ASPH: variants seen among roughly 807,000 people sequenced by gnomAD.
ASPH encodes aspartate beta-hydroxylase, also known as aspartyl/asparaginyl beta-hydroxylase.
Under a neutral mutation model 118.4 loss-of-function variants are expected in ASPH, and 100 were observed. The observed-to-expected ratio is 0.84, with a 90% CI of 0.72 to 1.00. ASPH has a LOEUF of 1.00. Among genes scored for constraint, ASPH ranks in the 50% least tolerant of loss-of-function variants. The probability of loss-of-function intolerance (pLI) is 0.00; values close to 1 mark genes in which losing one functional copy is unlikely to be tolerated. For synonymous variants in ASPH, 315 were observed against 325.6 expected, an observed-to-expected ratio of 0.97 and a Z score of 0.35; for missense variants, 920 against 919.5, an observed-to-expected ratio of 1.00 and a Z score of -0.01.
At chr8:61,702,533 G>C (rs1280776102) in intron 1 of ASPH, among the ~76,000 whole-genome samples, 1 of 151,974 alleles carries the variant, frequency 6.6e-6, no homozygotes, top group Non-Finnish European at 1.5e-5. Context: ...TGATCCACCG[G>C]CCTTGGCCTC....
At chr8:61,705,962 ACAGAACTC>A (rs1466640493) in intron 1 of ASPH, among the ~76,000 whole-genome samples, 2 of 152,264 alleles carry the variant, frequency 1.3e-5, no homozygotes, top group African/African-American at 4.8e-5. Flanking sequence ...TGGAGTCATT[ACAGAACTC>A]TTTCAATTTG....
intron 22 of ASPH, among the ~76,000 whole-genome samples, chr8:61,524,013 T>C (rs1292170787): frequency 2.0e-5 from 3 of 152,164 alleles, no homozygotes; most frequent in Non-Finnish European, 4.4e-5. Context: ...GGCCAGGAGT[T>C]GGAGCTGTAA....
Position 61,684,088 on chromosome 8 carries a change from T to A in ASPH, c.204A>T (p.Thr68=). Residue 68 remains threonine (T), a synonymous_variant, in exon 2 of 25, where the codon ACA becomes ACT. Coordinates refer to ENST00000379454, the MANE Select transcript of ASPH (RefSeq NM_004318.4). Reference sequence around the variant, plus strand: ...GATCAAACCAAACGACAGCTACAGATGTCCAGACGCCCAGCAATGCAATCA... The same window carrying A: ...GATCAAACCAAACGACAGCTACAGAAGTCCAGACGCCCAGCAATGCAATCA... The part of the protein sequence containing the change: ...FMVIALLGVW[T]SVAVVWFDLV... 2 of 1,613,812 alleles carry A rather than the reference T, an allele frequency of 1.2e-6. No homozygotes were observed. The highest frequency in any genetic ancestry group is 1.7e-6 in the Non-Finnish European group (2 of 1,179,790).
intron 16 of ASPH, among the ~76,000 whole-genome samples, chr8:61,569,643 C>T (rs1416764919): frequency 6.6e-6 from 1 of 151,758 alleles, no homozygotes; most frequent in African/African-American, 2.4e-5. Flanking sequence ...GGATAAATTA[C>T]CCAAGATGAT....
rs772157535 is a variant in ASPH, at chr8:61,665,331, T to C, written c.323-11671A>G. 5 of 1,613,972 alleles carry C rather than the reference T, an allele frequency of 3.1e-6. 1 individual carries two copies. The South Asian group carries it at 5.5e-5, about 18-fold the overall frequency. On this transcript the variant is annotated intron_variant, in intron 3 of 24. Transcript: ENST00000379454. ...CTTCTACTTTCCTTTCTGTCATCTT[T>C]GTCTCGGGATGCCATTTTACTAGAA... is the stretch of plus-strand genomic sequence containing the variant.
intron 16 of ASPH, among the ~76,000 whole-genome samples, chr8:61,573,216 CACAA>C (rs1833988588): frequency 6.6e-6 from 1 of 152,088 alleles, no homozygotes; most frequent in Admixed American, 6.6e-5. Context: ...TCAGAGAGGA[CACAA>C]ACAAATGGAA....
intron 12 of ASPH, among the ~76,000 whole-genome samples, 170 bp downstream of exon 12, chr8:61,637,777 C>A (rs1199518498): frequency 6.6e-6 from 1 of 152,172 alleles, no homozygotes; most frequent in African/African-American, 2.4e-5. Flanking sequence ...TCTGTTTGGC[C>A]ACTGGAATGC....
intron 21 of ASPH, among the ~76,000 whole-genome samples, chr8:61,532,313 T>C (rs928824448): frequency 1.3e-5 from 2 of 152,204 alleles, no homozygotes; most frequent in Admixed American, 1.3e-4. Context: ...CATATACCTG[T>C]TGGCCATTTG....
intron 21 of ASPH, among the ~76,000 whole-genome samples, chr8:61,540,423 C>G (rs1821422649): frequency 6.6e-6 from 1 of 152,156 alleles, no homozygotes; most frequent in South Asian, 2.1e-4. Context: ...CTCTCTTGCT[C>G]CTGTTCATGC....
intron 21 of ASPH, among the ~76,000 whole-genome samples, chr8:61,532,026 C>G (rs565971515): frequency 4.6e-5 from 7 of 152,236 alleles, no homozygotes; most frequent in African/African-American, 1.7e-4. Context: ...CTTTGAGTTA[C>G]TGACTTCATT....
At chr8:61,576,569 T>A in intron 16 of ASPH, 1 of 468,258 alleles carries the variant, frequency 2.1e-6, no homozygotes. Flanking sequence ...CAGAGAGAAG[T>A]CATATGGAGG....
chr8:61,545,649 A>C (rs1330465894), intron 21 of ASPH, among the ~76,000 whole-genome samples: 2 of 152,252 alleles, frequency 1.3e-5, no homozygotes, highest in African/African-American at 4.8e-5. Flanking sequence ...AAGAGAAAAG[A>C]AAGCAAAGAA....
chr8:61,578,460 G>T, intron 15 of ASPH: 1 of 1,598,676 alleles, frequency 6.3e-7, no homozygotes, highest in South Asian at 1.1e-5. Flanking sequence ...CCTGGAGGTG[G>T]ACCCCAACAT....
chr8:61,594,047 A>G (rs1210666446), intron 14 of ASPH, among the ~76,000 whole-genome samples: 2 of 152,240 alleles, frequency 1.3e-5, no homozygotes, highest in Non-Finnish European at 2.9e-5. Context: ...AAAGTCAGAA[A>G]CCAGAAATAA....
At chr8:61,624,616 C>T in intron 13 of ASPH, 2 of 985,274 alleles carry the variant, frequency 2.0e-6, no homozygotes, top group Non-Finnish European at 2.4e-6. Flanking sequence ...ACCGATGTTG[C>T]ACAATGGCAC....
At chr8:61,680,827 T>G in intron 3 of ASPH, 141 bp downstream of exon 3, 1 of 570,574 alleles carries the variant, frequency 1.8e-6, no homozygotes, top group East Asian at 3.4e-5. Context: ...CATTTAAAAT[T>G]TTAACAGTAA....
At chr8:61,517,326 C>T (rs1811277814) in intron 24 of ASPH, 1 of 626,388 alleles carries the variant, frequency 1.6e-6, no homozygotes. Context: ...TGGAGGAGGG[C>T]AGCCCTAGAG....
At chr8:61,668,136 T>A in intron 3 of ASPH, 2 of 1,231,304 alleles carry the variant, frequency 1.6e-6, no homozygotes, top group Non-Finnish European at 2.3e-6. Context: ...GCAATAGTGT[T>A]TAGCATTAGT....
chr8:61,665,506 A>G, intron 3 of ASPH: 1 of 1,565,838 alleles, frequency 6.4e-7, no homozygotes, highest in South Asian at 1.2e-5. Context: ...CCTTTCGGAC[A>G]TCCTCTTTCT....
Sources: allele counts gnomAD v4.1 joint callset (sites outside exome capture counted in the v4.1 genomes callset), GRCh38; gene constraint gnomAD v4.1.1; transcripts MANE v1.5; gene names NCBI Gene and HGNC (gene_info 2026-07-23, HGNC 2026-07-21).